LMBR1: variants seen among roughly 807,000 people sequenced by gnomAD.
LMBR1 encodes the protein limb region 1 protein homolog.
Under a neutral mutation model 73.9 loss-of-function variants are expected in LMBR1, and 52 were observed. That is an observed-to-expected ratio of 0.70 (90% CI 0.56 to 0.89). LMBR1 has a LOEUF of 0.89. Among genes scored for constraint, LMBR1 ranks in the 40% least tolerant of loss-of-function variants. LMBR1 has a pLI of 0.00. For missense variants in LMBR1, 539 were observed against 579.8 expected (o/e 0.93, Z 0.72); for synonymous variants, 215 against 209.4 (o/e 1.03, Z -0.23).
intron 9 of LMBR1, among the ~76,000 whole-genome samples, chr7:156,748,141 C>T (rs2132679272): frequency 6.6e-6 from 1 of 152,242 alleles, no homozygotes; most frequent in African/African-American, 2.4e-5. Context: ...CTTTTTACTT[C>T]TGACATATCC....
chr7:156,829,938 C>T (rs1836377343), intron 3 of LMBR1, among the ~76,000 whole-genome samples: 1 of 152,192 alleles, frequency 6.6e-6, no homozygotes, highest in South Asian at 2.1e-4. Flanking sequence ...TTTCAAAATG[C>T]TTCTGAAGCA....
At chr7:156,833,583 G>GAAGCAGTGCTAA (rs761099434) in intron 3 of LMBR1, 170 bp downstream of exon 3, 1 of 570,848 alleles carries the variant, frequency 1.8e-6, no homozygotes, top group Non-Finnish European at 3.1e-6. Flanking sequence ...TAGGAGATTG[G>GAAGCAGTGCTAA]ATTATCCACA....
chr7:156,749,067 T>C (rs1820363291), intron 9 of LMBR1, among the ~76,000 whole-genome samples: 1 of 152,200 alleles, frequency 6.6e-6, no homozygotes, highest in African/African-American at 2.4e-5. Flanking sequence ...AAATGTTTTT[T>C]GATTATATTT....
intron 7 of LMBR1, 44 bp downstream of exon 7, chr7:156,763,064 A>G: frequency 1.0e-6 from 1 of 1,001,050 alleles, no homozygotes; most frequent in East Asian, 2.7e-5. Context: ...CAGAATAAGG[A>G]CAACTCTACT....
chr7:156,850,744 A>G (rs1796122778), intron 1 of LMBR1, among the ~76,000 whole-genome samples: 1 of 152,240 alleles, frequency 6.6e-6, no homozygotes, highest in South Asian at 2.1e-4. Context: ...GGATGTATAT[A>G]TAAAGATGTT....
rs7810000 is a variant in LMBR1 at position 156,688,489 on chromosome 7, A to T, written c.1226-298T>A. ...CTCATGCTGATGTTAAAAATCAAGC[A>T]CTCGTGCTGCTTACATGGGGAGGAT... is the stretch of plus-strand genomic sequence containing the variant. On this transcript the variant is annotated intron_variant, in intron 15 of 16. Coordinates refer to ENST00000353442, the MANE Select transcript of LMBR1 (RefSeq NM_022458.4). 0.73 allele frequency among the ~76,000 whole-genome samples: 111,448 copies of T among 151,802 alleles called. 41,848 individuals are homozygous for T. The highest frequency in any genetic ancestry group is 0.9 in the African/African-American group (37,475 of 41,414).
chr7:156,806,102 ATAAAG>A (rs1213961423), intron 4 of LMBR1, among the ~76,000 whole-genome samples: 4 of 150,766 alleles, frequency 2.7e-5, no homozygotes, highest in Non-Finnish European at 5.9e-5. Flanking sequence ...GCCCAAACTG[ATAAAG>A]TGTCTTCGAA....
intron 4 of LMBR1, among the ~76,000 whole-genome samples, chr7:156,808,250 T>A (rs191648425): frequency 6.6e-6 from 1 of 152,286 alleles, no homozygotes; most frequent in East Asian, 1.9e-4. Flanking sequence ...ACTTTCCGTT[T>A]TTGCTTCATG....
intron 7 of LMBR1, among the ~76,000 whole-genome samples, chr7:156,762,769 T>C (rs1024363072): frequency 3.3e-5 from 5 of 152,088 alleles, no homozygotes; most frequent in African/African-American, 1.2e-4. Flanking sequence ...AGCATGTGTG[T>C]ATGAGTGTGC....
chr7:156,704,090 C>T (rs1333408824), intron 15 of LMBR1, among the ~76,000 whole-genome samples: 1 of 152,194 alleles, frequency 6.6e-6, no homozygotes, highest in African/African-American at 2.4e-5. Flanking sequence ...CTTACCCATT[C>T]AGCATACACA....
At chr7:156,791,174 T>G (rs2133317628) in intron 5 of LMBR1, among the ~76,000 whole-genome samples, 1 of 152,316 alleles carries the variant, frequency 6.6e-6, no homozygotes, top group South Asian at 2.1e-4. Context: ...TGACCCAAGT[T>G]AAATTTCCTT....
At chr7:156,819,302 C>T (rs1834390626) in intron 4 of LMBR1, among the ~76,000 whole-genome samples, 1 of 151,632 alleles carries the variant, frequency 6.6e-6, no homozygotes, top group Non-Finnish European at 1.5e-5. Context: ...TTTGCACATA[C>T]AAAAAAAAGC....
chr7:156,852,063 A>C (rs938630489), intron 1 of LMBR1, among the ~76,000 whole-genome samples: 1 of 152,206 alleles, frequency 6.6e-6, no homozygotes, highest in Non-Finnish European at 1.5e-5. Context: ...TCACAATAAT[A>C]GCTGCCACTT....
chr7:156,826,575 T>C (rs1180701070), intron 4 of LMBR1, 30 bp downstream of exon 4: 9 of 1,307,620 alleles, frequency 6.9e-6, no homozygotes, highest in East Asian at 2.7e-5. Context: ...AAAATATTAA[T>C]TGTGATTATA....
At chr7:156,801,762 G>A (rs976714086) in intron 4 of LMBR1, among the ~76,000 whole-genome samples, 1 of 151,866 alleles carries the variant, frequency 6.6e-6, no homozygotes, top group East Asian at 1.9e-4. Flanking sequence ...AAACTCCTGG[G>A]CTCAAGCGAT....
chr7:156,888,723 G>C (rs1387997159), intron 1 of LMBR1, among the ~76,000 whole-genome samples: 1 of 152,044 alleles, frequency 6.6e-6, no homozygotes, highest in Non-Finnish European at 1.5e-5. Context: ...TTCAAGAACA[G>C]CCTGGGCAAC....
At chr7:156,780,536 A>G (rs1010609993) in intron 5 of LMBR1, among the ~76,000 whole-genome samples, 3 of 152,240 alleles carry the variant, frequency 2.0e-5, no homozygotes, top group African/African-American at 7.2e-5. Flanking sequence ...TTCTTAGTAC[A>G]CCAAATCACA....
intron 9 of LMBR1, among the ~76,000 whole-genome samples, chr7:156,735,672 T>C (rs911955650): frequency 1.3e-5 from 2 of 151,876 alleles, no homozygotes; most frequent in African/African-American, 4.8e-5. Context: ...TTATGAATCA[T>C]ATATTTTATC....
At chr7:156,830,392 CTTAAAG>C (rs1836468025) in intron 3 of LMBR1, among the ~76,000 whole-genome samples, 1 of 152,076 alleles carries the variant, frequency 6.6e-6, no homozygotes, top group Non-Finnish European at 1.5e-5. Context: ...CACTTTACAT[CTTAAAG>C]TTTAACAGGT....
Sources: gnomAD v4.1 joint callset for allele counts (sites outside exome capture counted in the v4.1 genomes callset) on GRCh38, gnomAD v4.1.1 for gene constraint, MANE v1.5 for transcripts, NCBI Gene and HGNC (gene_info 2026-07-23, HGNC 2026-07-21) for gene names.